The following SLC8A1 variants were observed in gnomAD, a reference collection of about 807,000 sequenced individuals.
SLC8A1 encodes sodium/calcium exchanger 1.
A neutral mutation model predicts 68.3 loss-of-function variants in SLC8A1; 18 were observed. The ratio of observed to expected loss-of-function variants is 0.26; its 90% confidence interval spans 0.18 to 0.39. SLC8A1 has a LOEUF of 0.39. SLC8A1 is among the 10% of genes least tolerant of loss of function. SLC8A1 has a pLI of 1.00. For synonymous variants in SLC8A1, 475 were observed against 415.5 expected (o/e 1.14, Z -1.74); for missense variants, 985 against 1,156.7 (o/e 0.85, Z 2.15).
chr2:40,478,174 G>C (rs949345044), intron 1 of SLC8A1, among the ~76,000 whole-genome samples: 9 of 151,940 alleles, frequency 5.9e-5, no homozygotes, highest in Non-Finnish European at 1.3e-4. Context: ...TAAAACCCTT[G>C]TTCACCCAGT....
chr2:40,249,507 G>C (rs1574686133), intron 2 of SLC8A1, among the ~76,000 whole-genome samples: 2 of 152,160 alleles, frequency 1.3e-5, no homozygotes, highest in African/African-American at 4.8e-5. Context: ...GGAGAGGCCT[G>C]TGCCACAGTC....
At chr2:40,147,851 T>A (rs2042739223) in intron 6 of SLC8A1, among the ~76,000 whole-genome samples, 1 of 152,228 alleles carries the variant, frequency 6.6e-6, no homozygotes, top group Non-Finnish European at 1.5e-5. Flanking sequence ...TGAGTGTTAC[T>A]TTTATGCATG....
chr2:40,502,077 T>C (rs1706092012), intron 1 of SLC8A1, among the ~76,000 whole-genome samples: 1 of 152,106 alleles, frequency 6.6e-6, no homozygotes, highest in East Asian at 1.9e-4. Flanking sequence ...TTCTGATATG[T>C]TCCATTTGGT....
At chr2:40,134,442 G>T (rs1200189643) in intron 7 of SLC8A1, among the ~76,000 whole-genome samples, 3 of 152,026 alleles carry the variant, frequency 2.0e-5, no homozygotes, top group Non-Finnish European at 2.9e-5. Context: ...TGCGAGAAGG[G>T]ATCATAGAAG....
At chr2:40,473,253 TA>T (rs1704097008) in intron 1 of SLC8A1, among the ~76,000 whole-genome samples, 1 of 152,148 alleles carries the variant, frequency 6.6e-6, no homozygotes. Flanking sequence ...TACCTAATTA[TA>T]AATAAATTAA....
At chr2:40,317,185 T>C (rs1405841985) in intron 2 of SLC8A1, among the ~76,000 whole-genome samples, 1 of 152,074 alleles carries the variant, frequency 6.6e-6, no homozygotes, top group African/African-American at 2.4e-5. Flanking sequence ...TCTCCCTGAC[T>C]CAAGCAGAGA....
chr2:40,174,374 G>C (rs2048093498), intron 4 of SLC8A1, among the ~76,000 whole-genome samples: 1 of 152,076 alleles, frequency 6.6e-6, no homozygotes, highest in Non-Finnish European at 1.5e-5. Context: ...TTGGATGTCA[G>C]CTTCTATGTT....
chr2:40,394,669 CTTCTT>C (rs1327160840), intron 2 of SLC8A1, among the ~76,000 whole-genome samples: 1 of 151,958 alleles, frequency 6.6e-6, no homozygotes. Context: ...TTGCATTTTT[CTTCTT>C]TTTTTCTAAC....
chr2:40,458,008 C>T lies in SLC8A1; in HGVS notation c.-24-27704G>A, dbSNP rs146430630. On this transcript the variant is annotated intron_variant, in intron 1 of 7. Transcript: ENST00000402441. ...GGTCCTACCCTTAGACATTCTGCCT[C>T]TATTGGTCAGAAGTCGAGTCTGGGC... 2.6e-5 allele frequency among the ~76,000 whole-genome samples: 4 copies of T among 152,252 alleles called. No individual in the cohort carries two copies. The East Asian group carries it at 5.8e-4, about 22-fold the overall frequency.
chr2:40,327,276 C>A (rs1468322960), intron 2 of SLC8A1, among the ~76,000 whole-genome samples: 1 of 152,184 alleles, frequency 6.6e-6, no homozygotes, highest in South Asian at 2.1e-4. Context: ...ATACAATTCA[C>A]ATGAACATTC....
intron 2 of SLC8A1, among the ~76,000 whole-genome samples, chr2:40,351,854 G>C (rs1406587881): frequency 6.6e-6 from 1 of 152,132 alleles, no homozygotes; most frequent in African/African-American, 2.4e-5. Context: ...CCATGACCTA[G>C]ACTAATAAGC....
exon 8 of SLC8A1, chr2:40,109,479 A>G (rs949297496): frequency 6.6e-6 from 1 of 152,208 alleles, no homozygotes; most frequent in Non-Finnish European, 1.5e-5. Context: ...AACTGTAGGT[A>G]TGATCTGTCC....
upstream of SLC8A1, chr2:40,453,380 T>C (rs1261760717): frequency 6.6e-6 from 1 of 152,164 alleles, no homozygotes; most frequent in Non-Finnish European, 1.5e-5. Context: ...AGTTAGTTTT[T>C]TTTCGTGGAG....
At chr2:40,334,482 T>C (rs778223809) in intron 2 of SLC8A1, among the ~76,000 whole-genome samples, 1 of 152,228 alleles carries the variant, frequency 6.6e-6, no homozygotes, top group Non-Finnish European at 1.5e-5. Flanking sequence ...AATGTATTAA[T>C]ACAATTTGGA....
intron 2 of SLC8A1, among the ~76,000 whole-genome samples, chr2:40,220,552 T>C (rs566301549): frequency 1.3e-5 from 2 of 152,304 alleles, no homozygotes; most frequent in East Asian, 3.9e-4. Flanking sequence ...TTCTGTTTTA[T>C]TTTCCTGACA....
chr2:40,215,145 T>C lies in SLC8A1; in HGVS notation c.1809-37290A>G, dbSNP rs112373943. Among the ~76,000 whole-genome samples the C allele has an allele frequency of 4.7e-4, 72 of 152,288 alleles. No individual in the cohort carries two copies. The Middle Eastern group carries it at 0.017, about 36-fold the overall frequency. The stretch of plus-strand genomic sequence containing the variant: ...ATGAGTTGTAGCACAGAGAAAGAGC[T>C]CAATATATGCTAATTATTATTATTA... On this transcript the variant is annotated intron_variant, in intron 2 of 7. Coordinates refer to ENST00000406785, the Ensembl canonical transcript of SLC8A1.
At chr2:40,241,765 G>A (rs925524932) in intron 2 of SLC8A1, among the ~76,000 whole-genome samples, 1 of 152,088 alleles carries the variant, frequency 6.6e-6, no homozygotes, top group Admixed American at 6.5e-5. Flanking sequence ...CTTTGAGAGT[G>A]ACCTGTCACT....
intron 2 of SLC8A1, among the ~76,000 whole-genome samples, chr2:40,415,512 A>G (rs917349064): frequency 6.6e-6 from 1 of 151,784 alleles, no homozygotes; most frequent in African/African-American, 2.4e-5. Flanking sequence ...TACTTCTTCC[A>G]TTGCCACTAA....
intron 2 of SLC8A1, among the ~76,000 whole-genome samples, chr2:40,194,706 G>C (rs543347147): frequency 6.6e-6 from 1 of 152,140 alleles, no homozygotes; most frequent in African/African-American, 2.4e-5. Flanking sequence ...AGCAGTGAGA[G>C]GTTGAAGGCC....
Sources: allele counts gnomAD v4.1 joint callset (sites outside exome capture counted in the v4.1 genomes callset), GRCh38; gene constraint gnomAD v4.1.1; transcripts MANE v1.5; gene names NCBI Gene and HGNC (gene_info 2026-07-23, HGNC 2026-07-21).